The following BAALC variants were observed in gnomAD, a reference collection of about 807,000 sequenced individuals.
BAALC encodes the protein brain and acute leukemia cytoplasmic protein.
BAALC carries 9 observed loss-of-function variants against 15.5 expected under a neutral mutation model. The ratio of observed to expected loss-of-function variants is 0.58; its 90% CI spans 0.35 to 1.02. The LOEUF (loss-of-function observed/expected upper bound fraction) is 1.02, where lower values mean the gene tolerates loss of function less well. Ranked by LOEUF, BAALC falls within the 50% of genes least tolerant of loss-of-function variation. BAALC has a pLI of 0.02. For synonymous variants in BAALC, 80 were observed against 74.6 expected (o/e 1.07, Z -0.37); for missense variants, 201 against 192.4 (o/e 1.04, Z -0.27).
rs1229663906 is a variant in BAALC at position 103,185,889 on chromosome 8, T to C, written c.161-27030T>C. 2.0e-5 allele frequency among the ~76,000 whole-genome samples: 3 copies of C among 152,204 alleles called. No homozygotes were observed. The East Asian group carries it at 5.8e-4, about 29-fold the overall frequency. ...CCTTGTAGGGACCTTGGGTTACTTG[T>C]TCATCTCCTTAACTGCTTAGTACAT... On this transcript the variant is annotated intron_variant, in intron 1 of 2. Coordinates refer to ENST00000309982, the MANE Select transcript of BAALC (RefSeq NM_024812.3).
rs542122955 is a variant in BAALC at position 103,198,669 on chromosome 8, T to A, written c.161-14250T>A. Among the ~76,000 whole-genome samples the A allele has an allele frequency of 3.3e-5, 5 of 152,026 alleles. No individual in the cohort carries two copies. In the East Asian group the frequency reaches 7.7e-4, roughly 23 times the overall value. On this transcript the variant is annotated intron_variant, in intron 1 of 2. Coordinates refer to ENST00000309982, the MANE Select transcript of BAALC (RefSeq NM_024812.3). ...CTGTAATCCCAGCACTTTGGGAGGT[T>A]GAGACAGGCAGATTACCTGAGGTCA...
At position 103,140,815 on chromosome 8, in the gene BAALC, G is replaced by C; in HGVS notation, c.-83G>C. On this transcript the variant is annotated 5_prime_UTR_variant, in exon 1 of 3. Coordinates refer to ENST00000309982, the MANE Select transcript of BAALC (RefSeq NM_024812.3). This position sits in a 1 kb window ranked among gnomAD's most constrained non-coding sequence, Gnocchi z 4.2. ...GATGTCGCCGCCGCCGCCTCCTTGC[G>C]GGCCGGGGCTGCGCCTCCGGGGCTG... 2 of 1,208,238 alleles carry C rather than the reference G, an allele frequency of 1.7e-6. No homozygotes were observed. Among genetic ancestry groups the C allele is most frequent in the Non-Finnish European group, 2.1e-6 (2 of 960,806 alleles). 74.8% of individuals were successfully genotyped at this position (1,208,238 alleles called of 1,614,324 possible).
chr8:103,219,711 AT>A (rs1442534860), intron 2 of BAALC, among the ~76,000 whole-genome samples: 1 of 152,202 alleles, frequency 6.6e-6, no homozygotes, highest in Non-Finnish European at 1.5e-5. Context: ...AAGATCAAAT[AT>A]CCCCTGACTG....
intron 1 of BAALC, among the ~76,000 whole-genome samples, chr8:103,158,537 A>G (rs914352746): frequency 2.0e-5 from 3 of 152,172 alleles, no homozygotes; most frequent in African/African-American, 7.2e-5. Context: ...CTTTGGTGCC[A>G]TTATTAAGTA....
At chr8:103,213,325 A>G (rs1172297132) in intron 2 of BAALC, 4 of 431,794 alleles carry the variant, frequency 9.3e-6, no homozygotes, top group Non-Finnish European at 1.7e-5. Context: ...TTATTCAAGG[A>G]TCTTGTTTTC....
intron 2 of BAALC, among the ~76,000 whole-genome samples, chr8:103,222,766 G>C (rs1445032787): frequency 6.6e-6 from 1 of 152,182 alleles, no homozygotes. Context: ...TATCATGGGA[G>C]TTACAGAACT....
In BAALC at chr8:103,213,155, A is replaced by C. The variant is rs560515817; in HGVS notation, c.327+70A>C. ...GTAGGGCTTGCTTCAGGGCAGAGCC[A>C]CCCAGCCGCTATGTCCAGGGAGGGA... On this transcript the variant is annotated intron_variant, in intron 2 of 2. Transcript: ENST00000309982. 2,211 of 1,492,926 alleles carry C rather than the reference A, an allele frequency of 1.5e-3. 28 individuals are homozygous for C. Among genetic ancestry groups the C allele is most frequent in the Admixed American group, 8.1e-3 (404 of 50,130 alleles). 92.5% of individuals were successfully genotyped at this position (1,492,926 alleles called of 1,614,324 possible).
At chr8:103,225,735 G>T (rs545403853) in intron 2 of BAALC, among the ~76,000 whole-genome samples, 2 of 152,102 alleles carry the variant, frequency 1.3e-5, no homozygotes, top group South Asian at 4.2e-4. Context: ...GGCCTCTTTG[G>T]CATTCCTGGA....
chr8:103,193,203 T>C (rs16870249), intron 1 of BAALC, among the ~76,000 whole-genome samples: 16,663 of 152,292 alleles, frequency 0.11, 1,260 homozygotes, highest in East Asian at 0.3. Context: ...CAGGCGTCAC[T>C]TATCAGGCCT....
chr8:103,170,609 G>C (rs185088108), intron 1 of BAALC, among the ~76,000 whole-genome samples: 1 of 152,140 alleles, frequency 6.6e-6, no homozygotes, highest in Non-Finnish European at 1.5e-5. Context: ...AGCTAGGAGA[G>C]GGTGTGGAAC....
rs200984161 is a variant in BAALC, at chr8:103,212,958, G to C, written c.200G>C (p.Arg67Pro). Residue 67 changes from arginine (R) to proline (P), a missense_variant, in exon 2 of 3, where the codon CGA becomes CCA. Physicochemically the swap from Arg to Pro is moderately radical, Grantham distance 103. Coordinates refer to ENST00000309982, the MANE Select transcript of BAALC (RefSeq NM_024812.3). ...EDGLPSNGVP[R>P]STAPGGIPNP... Reference sequence around the variant, plus strand: ...GGACTGCCCTCCAATGGTGTGCCCCGATCTACAGCCCCAGGTGGAATACCC... The same window carrying C: ...GGACTGCCCTCCAATGGTGTGCCCCCATCTACAGCCCCAGGTGGAATACCC... The C allele has an allele frequency of 2.5e-6, 4 of 1,613,936 alleles. No individual in the cohort carries two copies. In the Admixed American group the frequency reaches 5.0e-5, roughly 20 times the overall value.
At position 103,155,787 on chromosome 8, in the gene BAALC, A is replaced by G. The variant is rs577378555; in HGVS notation, c.160+14730A>G. ...GATTTGGTAGTGGGAGTGCAGCTAG[A>G]AAACCTGCAGTGTCTCCATGTTCTC... On this transcript the variant is annotated intron_variant, in intron 1 of 2. Coordinates refer to ENST00000309982, the MANE Select transcript of BAALC (RefSeq NM_024812.3). Among the ~76,000 whole-genome samples the G allele has an allele frequency of 3.9e-5, 6 of 152,342 alleles. No homozygotes were observed. The South Asian group carries it at 1.0e-3, about 26-fold the overall frequency.
At chr8:103,224,288 G>A (rs999817169) in intron 2 of BAALC, among the ~76,000 whole-genome samples, 4 of 152,054 alleles carry the variant, frequency 2.6e-5, no homozygotes, top group Admixed American at 6.5e-5. Context: ...AGGAGGTCCC[G>A]AGAACATGTG....
Position 103,140,827 on chromosome 8 carries a change from C to T in BAALC, c.-71C>T, listed in dbSNP as rs535758352. On this transcript the variant is annotated 5_prime_UTR_variant, in exon 1 of 3. Coordinates refer to ENST00000309982, the MANE Select transcript of BAALC (RefSeq NM_024812.3). The surrounding 1 kb of genome is among the most constrained non-coding windows in gnomAD (Gnocchi z 4.2). ...GCCGCCTCCTTGCGGGCCGGGGCTG[C>T]GCCTCCGGGGCTGAGCCGCCGCCAG... 1,148 of 1,292,102 alleles carry T rather than the reference C, an allele frequency of 8.9e-4. 2 individuals carry two copies. The highest frequency in any genetic ancestry group is 1.1e-3 in the Non-Finnish European group (1,120 of 1,014,230). 80.0% of individuals were successfully genotyped at this position (1,292,102 alleles called of 1,614,324 possible). A position where few individuals can be genotyped will look rare whatever the true frequency, so the allele number is the denominator to read the frequency against.
intron 1 of BAALC, 35 bp downstream of exon 1, chr8:103,141,092 C>A (rs1586365378): frequency 7.1e-7 from 1 of 1,401,340 alleles, no homozygotes; most frequent in South Asian, 1.6e-5. Flanking sequence ...CCTCGCCCGC[C>A]CGCTACCCCG....
At chr8:103,146,462 C>T (rs1343884664) in intron 1 of BAALC, among the ~76,000 whole-genome samples, 1 of 152,230 alleles carries the variant, frequency 6.6e-6, no homozygotes, top group Non-Finnish European at 1.5e-5. Flanking sequence ...TTAATGTCTG[C>T]TTCCGTCAAG....
chr8:103,214,414 T>C (rs1162266599), intron 2 of BAALC, among the ~76,000 whole-genome samples: 1 of 152,218 alleles, frequency 6.6e-6, no homozygotes, highest in African/African-American at 2.4e-5. Context: ...AAGTGAGTGA[T>C]TAAAAGCAAG....
Position 103,228,034 on chromosome 8 carries a change from A to G in BAALC, c.373A>G (p.Asn125Asp). The G allele has an allele frequency of 6.2e-7, 1 of 1,613,902 alleles. No individual in the cohort carries two copies. Among genetic ancestry groups the G allele is most frequent in the South Asian group, 1.1e-5 (1 of 91,064 alleles). Residue 125 changes from asparagine to aspartate, a missense_variant, in exon 3 of 3, where the codon AAT becomes GAT. Physicochemically the swap from Asn to Asp is conservative, Grantham distance 23. Coordinates refer to ENST00000309982, the MANE Select transcript of BAALC (RefSeq NM_024812.3). The stretch of plus-strand genomic sequence containing the variant: ...AATGCCTGCAAAAGAAGTCACCATT[A>G]ATGTAACAGATAGCATCCAACAGAT... ...KRMPAKEVTINVTDSIQQMDR... is the reference protein window; with the variant it reads ...KRMPAKEVTIDVTDSIQQMDR...
At chr8:103,183,465 T>G (rs1563646402) in intron 1 of BAALC, 1 of 702,826 alleles carries the variant, frequency 1.4e-6, no homozygotes, top group East Asian at 2.7e-5. Flanking sequence ...CCACACACCA[T>G]GTACAGGTAA....
Sources: allele counts gnomAD v4.1 joint callset (sites outside exome capture counted in the v4.1 genomes callset), GRCh38; gene constraint gnomAD v4.1.1; non-coding constraint Gnocchi (gnomAD v3.1); transcripts MANE v1.5; gene names NCBI Gene and HGNC (gene_info 2026-07-23, HGNC 2026-07-21).